Variants in ANK2 observed in about 807,000 individuals in gnomAD.
ANK2 encodes the protein ankyrin 2, also known as ankyrin-2.
A neutral mutation model predicts 360.5 loss-of-function variants in ANK2; 83 were observed. The observed-to-expected ratio is 0.23, with a 90% CI of 0.19 to 0.28. The LOEUF (loss-of-function observed/expected upper bound fraction) is 0.28. Among genes scored for constraint, ANK2 ranks in the 10% least tolerant of loss-of-function variants. The pLI, the probability that ANK2 is intolerant of heterozygous loss-of-function variation, is 1.00. For synonymous variants in ANK2, 1,740 were observed against 1,759.5 expected (o/e 0.99, Z 0.28); for missense variants, 4,201 against 4,795.7 (o/e 0.88, Z 3.66).
chr4:112,717,015 C>CA, the ANK2 span, among the ~76,000 whole-genome samples: 1 of 152,132 alleles, frequency 6.6e-6, no homozygotes, highest in South Asian at 2.1e-4. Context: ...TGAAATTAAG[C>CA]AAACATTCTT....
At chr4:112,775,586 G>A in the ANK2 span, among the ~76,000 whole-genome samples, 1 of 145,882 alleles carries the variant, frequency 6.9e-6, no homozygotes, top group Non-Finnish European at 1.5e-5. Context: ...TAGGCTAATA[G>A]ACCAGGTGAG....
At position 113,355,860 on chromosome 4, in the gene ANK2, T is replaced by C. The variant is rs2095729967; in HGVS notation, c.7242T>C (p.Pro2414=). 3.1e-6 allele frequency: 5 copies of C among 1,613,948 alleles called. No homozygotes were observed. The South Asian group carries it at 3.3e-5, about 11-fold the overall frequency. Residue 2414 remains proline (P), a synonymous_variant, in exon 38 of 46, where the codon CCT becomes CCC. Coordinates refer to ENST00000357077, the MANE Select transcript of ANK2 (RefSeq NM_001148.6). ...RSPQGLELAL[P]SRDSEVLSAV... ...CCCAAGGGTTAGAACTTGCACTCCC[T>C]AGCCGAGATAGCGAAGTCCTCAGCG...
At chr4:113,064,512 G>C (rs1561811030) in intron 1 of ANK2, among the ~76,000 whole-genome samples, 1 of 152,134 alleles carries the variant, frequency 6.6e-6, no homozygotes, top group Non-Finnish European at 1.5e-5. Flanking sequence ...TCCCATGACA[G>C]AAATCCCCTT....
chr4:113,374,458 A>G (rs1232370219), intron 45 of ANK2, among the ~76,000 whole-genome samples: 20 of 152,212 alleles, frequency 1.3e-4, no homozygotes, highest in Non-Finnish European at 2.9e-4. Flanking sequence ...AAACATGAGA[A>G]AAGAGAGTTT....
intron 4 of ANK2, among the ~76,000 whole-genome samples, chr4:113,226,745 C>A (rs1239125346): frequency 1.3e-5 from 2 of 151,998 alleles, no homozygotes; most frequent in Non-Finnish European, 2.9e-5. Context: ...TAATGAATAA[C>A]AAATAATTCA....
the ANK2 span, among the ~76,000 whole-genome samples, chr4:112,741,582 C>T: frequency 3.9e-5 from 6 of 152,266 alleles, no homozygotes; most frequent in East Asian, 1.9e-4. Flanking sequence ...AAGCATTGCT[C>T]GTCAATTTTG....
At chr4:113,245,770 A>G (rs1437070620) in intron 9 of ANK2, among the ~76,000 whole-genome samples, 1 of 152,020 alleles carries the variant, frequency 6.6e-6, no homozygotes, top group Non-Finnish European at 1.5e-5. Flanking sequence ...TTTTGACTAT[A>G]TTTTTAGAGA....
At chr4:112,881,686 AAC>A (rs1330618912) in intron 1 of ANK2, 2 of 492,762 alleles carry the variant, frequency 4.1e-6, no homozygotes, top group African/African-American at 1.9e-5. Flanking sequence ...ATTAGTCACA[AAC>A]ACAGTTCTCG....
At chr4:113,295,787 T>C (rs2071044264) in intron 22 of ANK2, among the ~76,000 whole-genome samples, 1 of 152,188 alleles carries the variant, frequency 6.6e-6, no homozygotes, top group Non-Finnish European at 1.5e-5. Context: ...ATAGTTTTAA[T>C]GGTTACATGT....
chr4:112,934,408 T>C (rs2093552095), intron 2 of ANK2, among the ~76,000 whole-genome samples: 1 of 152,198 alleles, frequency 6.6e-6, no homozygotes, highest in African/African-American at 2.4e-5. Context: ...CTTTCTACTT[T>C]TCATTTTATC....
At chr4:112,874,166 C>G (rs2074232633) in intron 1 of ANK2, among the ~76,000 whole-genome samples, 1 of 148,422 alleles carries the variant, frequency 6.7e-6, no homozygotes, top group African/African-American at 2.5e-5. Flanking sequence ...ACTGCAACCT[C>G]CGCCTCCTGG....
At chr4:112,751,969 G>T in the ANK2 span, among the ~76,000 whole-genome samples, 4 of 152,184 alleles carry the variant, frequency 2.6e-5, no homozygotes, top group Non-Finnish European at 4.4e-5. Flanking sequence ...AGAATAGGGA[G>T]AAAATAGCTT....
intron 15 of ANK2, among the ~76,000 whole-genome samples, chr4:113,274,910 C>G (rs948088357): frequency 2.0e-5 from 3 of 152,124 alleles, no homozygotes; most frequent in Non-Finnish European, 4.4e-5. Flanking sequence ...ATGATTTTCA[C>G]TTTTTCTTCT....
the ANK2 span, among the ~76,000 whole-genome samples, chr4:112,790,475 TTTTCTTTTC>T: frequency 1.4e-5 from 2 of 138,002 alleles, no homozygotes; most frequent in Admixed American, 1.7e-4. Context: ...CCCCATTAAC[TTTTCTTTTC>T]TTTTTTTTTT....
At chr4:112,933,985 G>C (rs931959024) in intron 2 of ANK2, among the ~76,000 whole-genome samples, 5 of 151,934 alleles carry the variant, frequency 3.3e-5, no homozygotes, top group Non-Finnish European at 7.4e-5. Context: ...ATCTGGAAAT[G>C]ACGTCATGTG....
intron 4 of ANK2, among the ~76,000 whole-genome samples, chr4:113,228,868 A>G (rs1397584050): frequency 5.9e-5 from 9 of 152,214 alleles, no homozygotes; most frequent in Admixed American, 4.6e-4. Context: ...ACGGTTAAGT[A>G]TCTCCTACTT....
chr4:113,303,144 A>G lies in ANK2; in HGVS notation c.2548+305A>G, dbSNP rs112476408. 2.3e-3 allele frequency among the ~76,000 whole-genome samples: 350 copies of G among 152,356 alleles called. 5 individuals are homozygous for G. The highest frequency in any genetic ancestry group is 8.2e-3 in the African/African-American group (339 of 41,586). ...GGCCATGTGTTAAAATAGCTATATG[A>G]TAACACAATTGTTATTAAAATATGT... On this transcript the variant is annotated intron_variant, in intron 23 of 45. Transcript: ENST00000357077.
At chr4:112,873,454 C>A (rs1033276092) in intron 1 of ANK2, among the ~76,000 whole-genome samples, 1 of 151,742 alleles carries the variant, frequency 6.6e-6, no homozygotes, top group Non-Finnish European at 1.5e-5. Context: ...TATTCTTTGA[C>A]CCATTGGTTA....
chr4:112,868,096 C>T (rs2071396854), intron 1 of ANK2, among the ~76,000 whole-genome samples: 1 of 152,112 alleles, frequency 6.6e-6, no homozygotes, highest in African/African-American at 2.4e-5. Flanking sequence ...TTTATCCACC[C>T]TCTCTGTGTG....
Sources: allele counts gnomAD v4.1 joint callset (sites outside exome capture counted in the v4.1 genomes callset), GRCh38; gene constraint gnomAD v4.1.1; transcripts MANE v1.5; gene names NCBI Gene and HGNC (gene_info 2026-07-23, HGNC 2026-07-21).